Variants in ATP6V1E2 observed in about 807,000 individuals in gnomAD.
The protein encoded by ATP6V1E2 is ATPase H+ transporting V1 subunit E2, also known as V-type proton ATPase subunit E 2.
For missense variants in ATP6V1E2, 308 were observed against 273.3 expected (o/e 1.13, Z -0.90); for synonymous variants, 121 against 104.2 (o/e 1.16, Z -0.98).
intron 2 of ATP6V1E2, among the ~76,000 whole-genome samples, chr2:46,539,274 G>A (rs1178735436): frequency 1.3e-5 from 2 of 152,208 alleles, no homozygotes; most frequent in Non-Finnish European, 2.9e-5. Context: ...AGATGCTCTA[G>A]AAATTTGTGT....
chr2:46,524,304 G>A (rs1407459276), intron 4 of ATP6V1E2, among the ~76,000 whole-genome samples: 2 of 152,150 alleles, frequency 1.3e-5, no homozygotes, highest in African/African-American at 4.8e-5. Context: ...CCAATAGGGA[G>A]GGAGGGAAAT....
At chr2:46,531,671 C>T (rs923248384) in intron 4 of ATP6V1E2, among the ~76,000 whole-genome samples, 18 of 152,220 alleles carry the variant, frequency 1.2e-4, no homozygotes, top group African/African-American at 3.9e-4. Flanking sequence ...AATTTCTTCA[C>T]ATCTTCACCA....
rs903204620 is a variant in ATP6V1E2, at chr2:46,511,901, G to C, written c.*130C>G. On this transcript the variant is annotated 3_prime_UTR_variant, in exon 5 of 5. Coordinates refer to ENST00000522587, the MANE Select transcript of ATP6V1E2 (RefSeq NM_001318063.2). ...AAGTTAACACTTTAGCTATCCAAAG[G>C]GTATTTCGTGAAGAAAAACAGAACA... 8 of 790,418 alleles carry C rather than the reference G, an allele frequency of 1.0e-5. No individual in the cohort carries two copies. The African/African-American group carries it at 1.4e-4, about 14-fold the overall frequency. The allele number at this position is 790,418 out of a possible 1,614,324, so 49.0% of individuals were successfully genotyped here.
rs1216476795 is a variant in ATP6V1E2 at position 46,512,484 on chromosome 2, C to A, written c.228G>T (p.Arg76Ser). ...QQKKILMSTM[R>S]NQARLKVLRA... ...TCAGGACTTTCAGCCTCGCCTGATT[C>A]CTCATGGTGGACATCAGGATTTTCT... The change falls in exon 5 of 5, where the codon AGG (arginine) becomes AGT (serine). Residue 76 changes from arginine (R) to serine (S), a missense_variant. Coordinates refer to ENST00000522587, the MANE Select transcript of ATP6V1E2 (RefSeq NM_001318063.2). 3 of 1,614,068 alleles carry A rather than the reference C, an allele frequency of 1.9e-6. No individual in the cohort carries two copies. The highest frequency in any genetic ancestry group is 2.5e-6 in the Non-Finnish European group (3 of 1,180,048).
chr2:46,529,683 G>T (rs570709334), intron 4 of ATP6V1E2, among the ~76,000 whole-genome samples: 4 of 152,280 alleles, frequency 2.6e-5, no homozygotes, highest in South Asian at 2.1e-4. Context: ...TAGAGCCCAG[G>T]CATTTGAGGC....
intron 4 of ATP6V1E2, among the ~76,000 whole-genome samples, chr2:46,531,566 T>C (rs1178048856): frequency 2.0e-5 from 3 of 152,248 alleles, no homozygotes; most frequent in African/African-American, 7.2e-5. Flanking sequence ...TGCTGGGTCA[T>C]ATTGTAATTC....
At chr2:46,527,388 A>AT (rs943269021) in intron 4 of ATP6V1E2, among the ~76,000 whole-genome samples, 20 of 152,072 alleles carry the variant, frequency 1.3e-4, no homozygotes, top group Non-Finnish European at 2.6e-4. Context: ...TGCCCGGCTA[A>AT]TTTTTTGTAT....
At chr2:46,523,117 C>T (rs1666723935) in intron 4 of ATP6V1E2, among the ~76,000 whole-genome samples, 1 of 151,784 alleles carries the variant, frequency 6.6e-6, no homozygotes, top group Non-Finnish European at 1.5e-5. Flanking sequence ...TTAAGTTCCT[C>T]GTAAATTCTG....
In ATP6V1E2 at chr2:46,540,436, C is replaced by CA. The variant is rs35794315; in HGVS notation, c.-310+953dup. On this transcript the variant is annotated intron_variant, in intron 2 of 4. Transcript: ENST00000522587. ...AGAGAGACAGAGCAAGACCCTATCT[C>CA]AAAAAAAAAAAAAAGAAAGAAAAAG... Among the ~76,000 whole-genome samples the CA allele has an allele frequency of 2.3e-3, 290 of 124,800 alleles. 4 individuals carry two copies. The highest frequency in any genetic ancestry group is 7.6e-3 in the African/African-American group (243 of 31,816). The allele number at this position is 124,800 out of a possible 152,430, so 81.9% of individuals were successfully genotyped here. A position where few individuals can be genotyped will look rare whatever the true frequency, so the allele number is the denominator to read the frequency against.
chr2:46,514,347 C>G (rs1472576527), intron 4 of ATP6V1E2, among the ~76,000 whole-genome samples: 1 of 151,972 alleles, frequency 6.6e-6, no homozygotes, highest in Admixed American at 6.6e-5. Flanking sequence ...CAACCCTACA[C>G]CTACTGAATC....
chr2:46,512,822 T>A lies in ATP6V1E2; in HGVS notation c.-101-10A>T. ...AGTTCCACTTTCTCAGCTATACCAGTGAACAAGAGGATGAAAGAGAAAGTC... is the reference window on the plus strand; with the variant it reads ...AGTTCCACTTTCTCAGCTATACCAGAGAACAAGAGGATGAAAGAGAAAGTC... On this transcript the variant is annotated splice_polypyrimidine_tract_variant and intron_variant, in intron 4 of 4. Transcript: ENST00000522587. 1.1e-6 allele frequency: 1 copy of A among 905,624 alleles called. No homozygotes were observed. Among genetic ancestry groups the A allele is most frequent in the Non-Finnish European group, 1.6e-6 (1 of 610,946 alleles). 56.1% of individuals were successfully genotyped at this position (905,624 alleles called of 1,614,324 possible). A position where few individuals can be genotyped will look rare whatever the true frequency, so the allele number is the denominator to read the frequency against.
intron 4 of ATP6V1E2, chr2:46,534,831 G>A (rs1207703237): frequency 6.6e-6 from 1 of 152,134 alleles, no homozygotes. Context: ...TCACATTGGC[G>A]AGTTGAAACT....
At chr2:46,517,582 A>C (rs1358791259) in intron 4 of ATP6V1E2, among the ~76,000 whole-genome samples, 2 of 152,264 alleles carry the variant, frequency 1.3e-5, no homozygotes, top group Non-Finnish European at 2.9e-5. Context: ...CAAACCGTAT[A>C]TCTCATAAGA....
At chr2:46,526,630 CATA>C (rs1666935138) in intron 4 of ATP6V1E2, among the ~76,000 whole-genome samples, 1 of 152,206 alleles carries the variant, frequency 6.6e-6, no homozygotes, top group African/African-American at 2.4e-5. Flanking sequence ...TAAATAGAAT[CATA>C]ATATTTGTCC....
rs765460693 is a variant in ATP6V1E2 at position 46,530,864 on chromosome 2, G to GC, written c.-102+4948dup. Among the ~76,000 whole-genome samples the GC allele has an allele frequency of 6.6e-5, 10 of 152,110 alleles. No individual in the cohort carries two copies. Among genetic ancestry groups the GC allele is most frequent in the Non-Finnish European group, 1.2e-4 (8 of 68,026 alleles). On this transcript the variant is annotated intron_variant, in intron 4 of 4. Coordinates refer to ENST00000522587, the MANE Select transcript of ATP6V1E2 (RefSeq NM_001318063.2). The surrounding 1 kb of genome is among the most constrained non-coding windows in gnomAD (Gnocchi z 5.2). ...GATCTCATGAGACTTATTCACTAGC[G>GC]CAAGAACAGCACAGGAAAAACCCAA... is the stretch of plus-strand genomic sequence containing the variant.
At chr2:46,518,336 C>A (rs1218262387) in intron 4 of ATP6V1E2, among the ~76,000 whole-genome samples, 2 of 151,956 alleles carry the variant, frequency 1.3e-5, no homozygotes, top group African/African-American at 2.4e-5. Context: ...ATGACACTTT[C>A]CAGGGGTGGG....
chr2:46,539,542 TG>T (rs1215841535), intron 2 of ATP6V1E2, among the ~76,000 whole-genome samples: 2 of 152,278 alleles, frequency 1.3e-5, no homozygotes, highest in African/African-American at 4.8e-5. Context: ...CCCTGGCCTT[TG>T]GCCTTTGTAC....
chr2:46,521,183 A>T (rs1666605614), intron 4 of ATP6V1E2, among the ~76,000 whole-genome samples: 1 of 152,164 alleles, frequency 6.6e-6, no homozygotes, highest in African/African-American at 2.4e-5. Flanking sequence ...AAGTGCTGGG[A>T]TTATGGCCAT....
In ATP6V1E2 at chr2:46,532,011, C is replaced by T. The variant is rs557095529; in HGVS notation, c.-102+3802G>A. On this transcript the variant is annotated intron_variant, in intron 4 of 4. Transcript: ENST00000522587. ...GTCTTTTCACTTTCTTGATAATGTCCTTTGAAGCAGAAAAGTTTTGTAATT... is the reference window on the plus strand; with the variant it reads ...GTCTTTTCACTTTCTTGATAATGTCTTTTGAAGCAGAAAAGTTTTGTAATT... Among the ~76,000 whole-genome samples the T allele has an allele frequency of 2.6e-5, 4 of 152,294 alleles. No individual in the cohort carries two copies. In the East Asian group the frequency reaches 5.8e-4, roughly 22 times the overall value.
Sources: gnomAD v4.1 joint callset for allele counts (sites outside exome capture counted in the v4.1 genomes callset) on GRCh38, gnomAD v4.1.1 for gene constraint, Gnocchi (gnomAD v3.1) non-coding constraint, MANE v1.5 for transcripts, NCBI Gene and HGNC (gene_info 2026-07-23, HGNC 2026-07-21) for gene names.